Variants in CES5A observed in about 807,000 individuals in gnomAD.
CES5A encodes carboxylesterase 5A, also known as carboxylesterase 5.
Under a neutral mutation model 62.9 loss-of-function variants are expected in CES5A, and 67 were observed. The ratio of observed to expected loss-of-function variants is 1.07; its 90% CI spans 0.88 to 1.31. The LOEUF is 1.31. Ranked by LOEUF, CES5A falls within the 50% of genes most tolerant of loss-of-function variation. The pLI is 0.00. For synonymous variants in CES5A, 296 were observed against 280.8 expected (o/e 1.05, Z -0.54); for missense variants, 748 against 708.5 (o/e 1.06, Z -0.63).
chr16:55,869,605 A>G lies in CES5A; in HGVS notation c.551+6T>C, dbSNP rs373929877. On this transcript the variant is annotated splice_donor_region_variant and intron_variant, in intron 4 of 12. Transcript: ENST00000290567. ...TCTGGGATGTCCATCATTTGGAGAGACTCACGTGAAGAAACCAAATATTCC... is the reference window on the plus strand; with the variant it reads ...TCTGGGATGTCCATCATTTGGAGAGGCTCACGTGAAGAAACCAAATATTCC... 225 of 1,612,856 alleles carry G rather than the reference A, an allele frequency of 1.4e-4. No homozygotes were observed. The highest frequency in any genetic ancestry group is 1.8e-4 in the Non-Finnish European group (211 of 1,179,544).
In CES5A at chr16:55,861,485, T is replaced by C. The variant is rs1180477822; in HGVS notation, c.842A>G (p.Asn281Ser). 5.0e-6 allele frequency: 8 copies of C among 1,613,766 alleles called. No homozygotes were observed. The African/African-American group carries it at 6.7e-5, about 13-fold the overall frequency. ...CAGCAGGGCCTCAGAGTCTGACGCA[T>C]TGTTACCACAGAAATGTGCAACCAC... ...LQVVAHFCGN[N>S]ASDSEALLRC... The change falls in exon 7 of 13, where the codon AAT becomes AGT. Residue 281 changes from asparagine to serine, a missense_variant. Transcript: ENST00000290567.
intron 2 of CES5A, among the ~76,000 whole-genome samples, chr16:55,948,570 T>C (rs1597163341): frequency 6.6e-6 from 1 of 152,206 alleles, no homozygotes; most frequent in African/African-American, 2.4e-5. Flanking sequence ...ATTTGTGGCC[T>C]TCTATCTTGT....
chr16:55,865,842 A>C, intron 5 of CES5A, 121 bp downstream of exon 5: 1 of 1,128,516 alleles, frequency 8.9e-7, no homozygotes, highest in East Asian at 2.4e-5. Context: ...GGCTTGAAAA[A>C]GACAATGTGT....
At chr16:55,871,512 T>C (rs2033583950) in intron 3 of CES5A, 113 bp downstream of exon 3, 1 of 1,196,452 alleles carries the variant, frequency 8.4e-7, no homozygotes, top group Middle Eastern at 2.9e-4. Context: ...TGATTACATT[T>C]CCCTTTTACC....
intron 1 of CES5A, chr16:55,949,988 A>C: frequency 2.0e-6 from 1 of 511,902 alleles, no homozygotes; most frequent in South Asian, 5.8e-5. Context: ...ACAGCATATA[A>C]GTAAGAATAT....
upstream of CES5A, among the ~76,000 whole-genome samples, chr16:55,877,972 T>A (rs1284916421): frequency 6.6e-6 from 1 of 152,084 alleles, no homozygotes; most frequent in African/African-American, 2.4e-5. Context: ...TATTGGGCCA[T>A]GAAAAATTAC....
At chr16:55,885,810 A>G (rs543260000) in intron 1 of CES5A, among the ~76,000 whole-genome samples, 4 of 152,222 alleles carry the variant, frequency 2.6e-5, no homozygotes, top group African/African-American at 9.6e-5. Context: ...TCTCATGGCC[A>G]CTACCTACTA....
intron 1 of CES5A, among the ~76,000 whole-genome samples, chr16:55,882,911 G>A (rs1191544151): frequency 3.3e-5 from 5 of 152,210 alleles, no homozygotes; most frequent in South Asian, 2.1e-4. Flanking sequence ...TGTAACATGT[G>A]AGCGTGATGT....
chr16:55,856,270 G>C (rs1567325206), intron 9 of CES5A, 107 bp downstream of exon 9: 1 of 915,452 alleles, frequency 1.1e-6, no homozygotes, highest in African/African-American at 1.6e-5. Flanking sequence ...GAATGACTGA[G>C]TGAGTGAGGA....
chr16:55,852,767 C>G, intron 10 of CES5A, 114 bp downstream of exon 10: 1 of 1,205,968 alleles, frequency 8.3e-7, no homozygotes, highest in Non-Finnish European at 1.1e-6. Flanking sequence ...TGGAAATGCA[C>G]TTTCCATGAT....
chr16:55,937,253 G>A (rs2034386545), intron 2 of CES5A, among the ~76,000 whole-genome samples: 1 of 152,116 alleles, frequency 6.6e-6, no homozygotes, highest in Non-Finnish European at 1.5e-5. Context: ...CTGAGACATA[G>A]CATTGGCCCA....
At chr16:55,926,674 A>G (rs2034260406), upstream of CES5A, among the ~76,000 whole-genome samples, 1 of 152,352 alleles carries the variant, frequency 6.6e-6, no homozygotes, top group East Asian at 1.9e-4. Flanking sequence ...GAATATTGTC[A>G]TGCTGGAGAA....
At chr16:55,952,281 G>A (rs945259896) in intron 1 of CES5A, among the ~76,000 whole-genome samples, 3 of 152,050 alleles carry the variant, frequency 2.0e-5, no homozygotes, top group Admixed American at 6.5e-5. Context: ...CCTAATTCAT[G>A]AAAATTTATA....
At chr16:55,884,149 G>A (rs1362617242) in intron 1 of CES5A, among the ~76,000 whole-genome samples, 1 of 152,178 alleles carries the variant, frequency 6.6e-6, no homozygotes, top group East Asian at 1.9e-4. Context: ...TAAGGATCTG[G>A]CCACCTTTTC....
At chr16:55,949,356 G>A (rs1203971565) in intron 2 of CES5A, among the ~76,000 whole-genome samples, 2 of 152,228 alleles carry the variant, frequency 1.3e-5, no homozygotes, top group African/African-American at 2.4e-5. Context: ...AAAGTGGGCT[G>A]CTGGCCGCCA....
intron 2 of CES5A, 155 bp downstream of exon 2, chr16:55,873,678 A>C: frequency 1.5e-6 from 1 of 665,708 alleles, no homozygotes; most frequent in East Asian, 2.7e-5. Context: ...TTTAGGAGTC[A>C]GGGGATTACC....
chr16:55,861,621 A>G (rs2142397715), intron 6 of CES5A, 105 bp from the exon 7 acceptor site: 4 of 771,348 alleles, frequency 5.2e-6, no homozygotes, highest in Admixed American at 4.1e-5. Context: ...CCCTCCATAT[A>G]TGAGTCCATC....
intron 8 of CES5A, among the ~76,000 whole-genome samples, 153 bp from the exon 9 acceptor site, chr16:55,856,598 T>C (rs549177510): frequency 1.3e-5 from 2 of 152,310 alleles, no homozygotes; most frequent in South Asian, 4.1e-4. Context: ...TCAGTGTGCT[T>C]GTCAGATAGT....
At chr16:55,857,468 G>T (rs1221852177) in intron 8 of CES5A, among the ~76,000 whole-genome samples, 3 of 152,166 alleles carry the variant, frequency 2.0e-5, no homozygotes, top group Non-Finnish European at 4.4e-5. Flanking sequence ...TTGGGGTAAT[G>T]ATTCACTAGG....
Sources: gnomAD v4.1 joint callset for allele counts (sites outside exome capture counted in the v4.1 genomes callset) on GRCh38, gnomAD v4.1.1 for gene constraint, MANE v1.5 for transcripts, NCBI Gene and HGNC (gene_info 2026-07-23, HGNC 2026-07-21) for gene names.